MACROD2: variants seen among roughly 807,000 people sequenced by gnomAD.
The protein encoded by MACROD2 is ADP-ribose glycohydrolase MACROD2.
A neutral mutation model predicts 70.4 loss-of-function variants in MACROD2; 36 were observed. The observed-to-expected ratio is 0.51, with a 90% CI of 0.39 to 0.68. MACROD2 has a LOEUF of 0.68. Among genes scored for constraint, MACROD2 ranks in the 30% least tolerant of loss-of-function variants. The pLI is 0.00. For missense variants in MACROD2, 496 were observed against 538.4 expected, an observed-to-expected ratio of 0.92 and a Z score of 0.78; for synonymous variants, 172 against 178.8, an observed-to-expected ratio of 0.96 and a Z score of 0.30.
At chr20:14,704,722 C>G (rs2123646067) in intron 5 of MACROD2, among the ~76,000 whole-genome samples, 1 of 152,300 alleles carries the variant, frequency 6.6e-6, no homozygotes. Flanking sequence ...CTGGCCTGTT[C>G]AAACACAAGC....
chr20:14,406,655 C>T (rs1397092883), intron 3 of MACROD2, among the ~76,000 whole-genome samples: 2 of 152,116 alleles, frequency 1.3e-5, no homozygotes, highest in Non-Finnish European at 2.9e-5. Context: ...GATAGGAAGA[C>T]ATTGTCTTTG....
chr20:15,862,072 A>G (rs2064431949), intron 8 of MACROD2, among the ~76,000 whole-genome samples: 1 of 152,184 alleles, frequency 6.6e-6, no homozygotes. Context: ...CTCTTTACAT[A>G]CAGAAGTTCC....
chr20:15,186,954 T>C (rs1235609486), intron 5 of MACROD2, among the ~76,000 whole-genome samples: 2 of 152,372 alleles, frequency 1.3e-5, no homozygotes, highest in African/African-American at 4.8e-5. Context: ...AAAATATCTA[T>C]GCCTATTTTT....
At chr20:14,300,429 CA>C (rs1433037337) in intron 3 of MACROD2, among the ~76,000 whole-genome samples, 3 of 152,154 alleles carry the variant, frequency 2.0e-5, no homozygotes, top group African/African-American at 7.2e-5. Flanking sequence ...TCGTTTAGTT[CA>C]GGGTCGCAAA....
At chr20:15,239,093 A>G (rs1195320094) in intron 6 of MACROD2, among the ~76,000 whole-genome samples, 1 of 152,120 alleles carries the variant, frequency 6.6e-6, no homozygotes, top group African/African-American at 2.4e-5. Context: ...GGTTTGAACA[A>G]TTGGGCAATT....
intron 4 of MACROD2, among the ~76,000 whole-genome samples, chr20:14,620,512 G>C (rs1253732388): frequency 6.6e-6 from 1 of 152,014 alleles, no homozygotes; most frequent in African/African-American, 2.4e-5. Flanking sequence ...TGTTTATCTA[G>C]ATATATATCT....
chr20:15,936,389 C>G (rs1464984896), intron 11 of MACROD2, among the ~76,000 whole-genome samples: 1 of 146,370 alleles, frequency 6.8e-6, no homozygotes, highest in Non-Finnish European at 1.5e-5. Flanking sequence ...AAGTATATAG[C>G]TATACATATT....
chr20:14,576,773 A>G (rs1980630052), intron 4 of MACROD2, among the ~76,000 whole-genome samples: 1 of 152,230 alleles, frequency 6.6e-6, no homozygotes, highest in Admixed American at 6.5e-5. Context: ...GAAATGAAAA[A>G]GCAGTGTTAA....
chr20:15,652,411 AT>A (rs1312395299), intron 8 of MACROD2, among the ~76,000 whole-genome samples: 4 of 151,980 alleles, frequency 2.6e-5, no homozygotes, highest in Non-Finnish European at 5.9e-5. Flanking sequence ...TGTTTAGTGT[AT>A]TTTTTTTATT....
rs144517328 is a variant in MACROD2 at position 15,414,682 on chromosome 20, A to T, written c.541-16723A>T. ...CTTAACCTCTGTGTAGCTTTTGAAG[A>T]TCTGCCACTTCAGGTATCCGTATAC... On this transcript the variant is annotated intron_variant, in intron 6 of 17. Coordinates refer to ENST00000684519, the MANE Select transcript of MACROD2 (RefSeq NM_001351661.2). 1.1e-4 allele frequency among the ~76,000 whole-genome samples: 16 copies of T among 152,320 alleles called. No homozygotes were observed. In the East Asian group the frequency reaches 1.9e-3, roughly 18 times the overall value.
intron 12 of MACROD2, among the ~76,000 whole-genome samples, chr20:15,939,271 AGAG>A (rs1037338828): frequency 7.2e-5 from 11 of 152,216 alleles, no homozygotes; most frequent in African/African-American, 2.2e-4. Flanking sequence ...TCATAGCTAG[AGAG>A]GAGAAGTCAA....
intron 4 of MACROD2, among the ~76,000 whole-genome samples, 188 bp from the exon 5 acceptor site, chr20:14,684,655 C>CCCCCCCT (rs2070979031): frequency 6.7e-6 from 1 of 148,946 alleles, no homozygotes; most frequent in Non-Finnish European, 1.5e-5. Flanking sequence ...CTCACCCCCC[C>CCCCCCCT]CCCCCGGCCC....
At position 14,786,213 on chromosome 20, in the gene MACROD2, A is replaced by AGAGAGAGAGAGAGAGG. The variant is rs1173871109; in HGVS notation, c.418+101269_418+101270insGGAGAGAGAGAGAGAG. Among the ~76,000 whole-genome samples, 71 of 150,176 alleles carry AGAGAGAGAGAGAGAGG rather than the reference A, an allele frequency of 4.7e-4. 1 individual carries two copies. Among genetic ancestry groups the AGAGAGAGAGAGAGAGG allele is most frequent in the African/African-American group, 1.6e-3 (65 of 40,184 alleles). On this transcript the variant is annotated intron_variant, in intron 5 of 17. Transcript: ENST00000684519. ...TTCACTCAGAGAAAGATAGAGAGAG[A>AGAGAGAGAGAGAGAGG]GAGAGAGAGAGAGAGAGAGAGAGAA...
intron 3 of MACROD2, among the ~76,000 whole-genome samples, chr20:14,236,582 TTAAC>T (rs1215736109): frequency 3.3e-5 from 5 of 152,222 alleles, no homozygotes; most frequent in African/African-American, 7.2e-5. Flanking sequence ...ACATAAATAA[TTAAC>T]ATTTTTGGTT....
At chr20:15,018,469 CT>C (rs964930347) in intron 5 of MACROD2, among the ~76,000 whole-genome samples, 1 of 152,188 alleles carries the variant, frequency 6.6e-6, no homozygotes, top group African/African-American at 2.4e-5. Flanking sequence ...AGCCTCCAAA[CT>C]GTTCCAACCT....
At chr20:14,687,318 T>C (rs2071014289) in intron 5 of MACROD2, among the ~76,000 whole-genome samples, 1 of 152,142 alleles carries the variant, frequency 6.6e-6, no homozygotes, top group African/African-American at 2.4e-5. Flanking sequence ...TACGCCCAAA[T>C]AAAATGGTGG....
At chr20:15,165,873 A>G (rs975537207) in intron 5 of MACROD2, among the ~76,000 whole-genome samples, 16 of 152,202 alleles carry the variant, frequency 1.1e-4, no homozygotes, top group African/African-American at 3.9e-4. Context: ...TGCTCAAACT[A>G]GAAGCAGTCC....
intron 3 of MACROD2, among the ~76,000 whole-genome samples, chr20:14,346,759 C>G (rs565082875): frequency 1.3e-5 from 2 of 152,260 alleles, no homozygotes; most frequent in African/African-American, 4.8e-5. Flanking sequence ...GAAGGTAGAA[C>G]AGGTACTCTA....
intron 8 of MACROD2, among the ~76,000 whole-genome samples, chr20:15,649,285 G>A (rs550927003): frequency 7.0e-6 from 1 of 142,530 alleles, no homozygotes; most frequent in African/African-American, 2.6e-5. Flanking sequence ...AAATCGGATA[G>A]CATTGTTATT....
Sources: allele counts gnomAD v4.1 joint callset (sites outside exome capture counted in the v4.1 genomes callset), GRCh38; gene constraint gnomAD v4.1.1; transcripts MANE v1.5; gene names NCBI Gene and HGNC (gene_info 2026-07-23, HGNC 2026-07-21).